The following WASF2 variants were observed in gnomAD, a reference collection of about 807,000 sequenced individuals.
WASF2 encodes actin-binding protein WASF2.
In WASF2, 14 loss-of-function variants were observed where a neutral mutation model predicts 45.0. The ratio of observed to expected loss-of-function variants is 0.31; its 90% CI spans 0.21 to 0.49. WASF2 has a LOEUF of 0.49. WASF2 is among the 20% of genes least tolerant of loss of function. The pLI, the probability that WASF2 is intolerant of heterozygous loss-of-function variation, is 0.99. For missense variants in WASF2, 439 were observed against 636.1 expected (o/e 0.69, Z 3.33); for synonymous variants, 200 against 236.3 (o/e 0.85, Z 1.41).
intron 1 of WASF2, among the ~76,000 whole-genome samples, chr1:27,468,364 G>T (rs1357699068): frequency 6.6e-6 from 1 of 151,998 alleles, no homozygotes; most frequent in Non-Finnish European, 1.5e-5. Context: ...GAACTGACCA[G>T]GCGTAGTGGC....
intron 1 of WASF2, among the ~76,000 whole-genome samples, chr1:27,489,453 TACACAC>T (rs371077805): frequency 2.3e-4 from 4 of 17,382 alleles, no homozygotes; most frequent in Non-Finnish European, 3.1e-4. Flanking sequence ...TCATGGTACG[TACACAC>T]ACACACACAC....
At chr1:27,447,077 T>C (rs2017321181) in intron 1 of WASF2, among the ~76,000 whole-genome samples, 1 of 152,214 alleles carries the variant, frequency 6.6e-6, no homozygotes, top group African/African-American at 2.4e-5. Flanking sequence ...GAAGAATGTC[T>C]TCCAGAATGC....
At chr1:27,486,509 C>T (rs1393780233) in intron 1 of WASF2, among the ~76,000 whole-genome samples, 1 of 152,172 alleles carries the variant, frequency 6.6e-6, no homozygotes, top group Non-Finnish European at 1.5e-5. Flanking sequence ...GAAAATAACG[C>T]ATAAAAAGAC....
intron 4 of WASF2, among the ~76,000 whole-genome samples, chr1:27,416,525 C>G (rs958276030): frequency 6.6e-6 from 1 of 152,232 alleles, no homozygotes; most frequent in East Asian, 1.9e-4. Flanking sequence ...TAGCTTCCCA[C>G]CCACTGGAAA....
At chr1:27,451,884 A>G (rs938060243) in intron 1 of WASF2, among the ~76,000 whole-genome samples, 2 of 152,350 alleles carry the variant, frequency 1.3e-5, no homozygotes, top group East Asian at 3.9e-4. Context: ...ATACATACAT[A>G]TGATAAAGTT....
At chr1:27,408,469 A>C in intron 8 of WASF2, 123 bp from the exon 9 acceptor site, 1 of 1,328,792 alleles carries the variant, frequency 7.5e-7, no homozygotes, top group East Asian at 2.5e-5. Flanking sequence ...GAGAAAAAGA[A>C]GGTTGTTATG....
intron 1 of WASF2, among the ~76,000 whole-genome samples, chr1:27,438,367 T>C (rs953540712): frequency 7.2e-5 from 11 of 152,150 alleles, no homozygotes; most frequent in Admixed American, 2.6e-4. Context: ...GGTTTGAAAA[T>C]AGAAGAGGAA....
At chr1:27,409,664 C>T (rs751330713) in intron 8 of WASF2, 28 bp downstream of exon 8, 7 of 1,435,968 alleles carry the variant, frequency 4.9e-6, no homozygotes, top group Non-Finnish European at 5.5e-6. Context: ...CAAGGCTCCA[C>T]AGTCCCAAAC....
chr1:27,435,130 A>G (rs2017118129), intron 1 of WASF2, among the ~76,000 whole-genome samples: 1 of 152,158 alleles, frequency 6.6e-6, no homozygotes, highest in Non-Finnish European at 1.5e-5. Flanking sequence ...TATTTTTAGT[A>G]GAGATGGGGT....
At chr1:27,412,540 C>A in intron 7 of WASF2, 32 bp downstream of exon 7, 1 of 1,613,154 alleles carries the variant, frequency 6.2e-7, no homozygotes, top group Non-Finnish European at 8.5e-7. Context: ...GTATAACTAC[C>A]AATAGTGGAT....
chr1:27,476,025 T>C (rs1044637309), intron 1 of WASF2, among the ~76,000 whole-genome samples: 2 of 152,226 alleles, frequency 1.3e-5, no homozygotes, highest in Non-Finnish European at 2.9e-5. Flanking sequence ...CACTGAGTTG[T>C]ATCCTTAGTA....
chr1:27,469,352 G>A (rs1340068847), intron 1 of WASF2, among the ~76,000 whole-genome samples: 7 of 152,220 alleles, frequency 4.6e-5, no homozygotes, highest in East Asian at 3.9e-4. Context: ...TCTAAAGAAC[G>A]AGATGAGCAG....
At chr1:27,419,759 C>A (rs1247373768) in intron 2 of WASF2, among the ~76,000 whole-genome samples, 1 of 152,130 alleles carries the variant, frequency 6.6e-6, no homozygotes, top group African/African-American at 2.4e-5. Context: ...GAAATTAGTT[C>A]CTCAATGGAG....
chr1:27,463,542 T>G (rs9438570), intron 1 of WASF2, among the ~76,000 whole-genome samples: 23,017 of 145,730 alleles, frequency 0.16, 2,383 homozygotes, highest in East Asian at 0.38. Context: ...AGAATGGAGT[T>G]AGCCCGGGAG....
chr1:27,405,286 C>T lies in WASF2; in HGVS notation c.*2903G>A, dbSNP rs1444373447. The T allele has an allele frequency of 6.6e-6, 1 of 152,292 alleles. No individual in the cohort carries two copies. Among genetic ancestry groups the T allele is most frequent in the Non-Finnish European group, 1.5e-5 (1 of 68,108 alleles). 9.4% of individuals were successfully genotyped at this position (152,292 alleles called of 1,614,324 possible). A position where few individuals can be genotyped will look rare whatever the true frequency, so the allele number is the denominator to read the frequency against. On this transcript the variant is annotated 3_prime_UTR_variant, in exon 9 of 9. Coordinates refer to ENST00000618852, the MANE Select transcript of WASF2 (RefSeq NM_006990.5). ...GGCTGGCTGAGCCTGCCCCCTCCCC[C>T]AGGCTGCTCCTTTGGAATGTACCCA...
At chr1:27,473,206 A>C (rs1016480233) in intron 1 of WASF2, among the ~76,000 whole-genome samples, 3 of 151,900 alleles carry the variant, frequency 2.0e-5, no homozygotes, top group Non-Finnish European at 4.4e-5. Flanking sequence ...AATGGCCAAG[A>C]GCGGTGGCTC....
chr1:27,450,352 G>A (rs1350437473), intron 1 of WASF2, among the ~76,000 whole-genome samples: 1 of 152,046 alleles, frequency 6.6e-6, no homozygotes, highest in East Asian at 1.9e-4. Context: ...AGAAATACAG[G>A]GTGTTTTAAA....
intron 1 of WASF2, among the ~76,000 whole-genome samples, chr1:27,467,250 A>G (rs1194549413): frequency 6.7e-6 from 1 of 149,346 alleles, no homozygotes; most frequent in African/African-American, 2.4e-5. Flanking sequence ...ACACACACAC[A>G]CACACAAAGA....
intron 1 of WASF2, among the ~76,000 whole-genome samples, chr1:27,448,841 C>CAAA (rs11371995): frequency 1.6e-4 from 11 of 67,028 alleles, no homozygotes; most frequent in African/African-American, 3.7e-4. Context: ...GACCTCATCT[C>CAAA]AAAAAAAAAA....
Sources: gnomAD v4.1 joint callset for allele counts (sites outside exome capture counted in the v4.1 genomes callset) on GRCh38, gnomAD v4.1.1 for gene constraint, MANE v1.5 for transcripts, NCBI Gene and HGNC (gene_info 2026-07-23, HGNC 2026-07-21) for gene names.